RALGAPB: variants seen among roughly 807,000 people sequenced by gnomAD.
RALGAPB encodes ral GTPase-activating protein subunit beta.
RALGAPB carries 25 observed loss-of-function variants against 161.1 expected under a neutral mutation model. The ratio of observed to expected loss-of-function variants is 0.16; its 90% CI spans 0.11 to 0.22. The LOEUF (loss-of-function observed/expected upper bound fraction) is 0.22, where lower values mean the gene tolerates loss of function less well. RALGAPB is among the 10% of genes least tolerant of loss of function. The pLI is 1.00. For missense variants in RALGAPB, 1,391 were observed against 1,815.2 expected, an observed-to-expected ratio of 0.77 and a Z score of 4.25; for synonymous variants, 629 against 626.1, an observed-to-expected ratio of 1.00 and a Z score of -0.07.
chr20:38,493,191 G>A (rs1235362326), intron 3 of RALGAPB, 59 bp downstream of exon 3: 5 of 1,366,554 alleles, frequency 3.7e-6, no homozygotes, highest in South Asian at 1.2e-5. Flanking sequence ...ATTCATAAAC[G>A]TTACTATAGT....
At chr20:38,487,334 A>AT (rs11481428) in intron 1 of RALGAPB, among the ~76,000 whole-genome samples, 115,654 of 151,302 alleles carry the variant, frequency 0.76, 44,618 homozygotes, top group East Asian at 0.91. Context: ...TTTATTGTTG[A>AT]TTTTTTTTTA....
intron 20 of RALGAPB, among the ~76,000 whole-genome samples, chr20:38,550,183 T>C (rs1037788690): frequency 3.9e-5 from 6 of 152,116 alleles, no homozygotes; most frequent in Non-Finnish European, 8.8e-5. Flanking sequence ...ATGGGAGATA[T>C]ACCTAATGCT....
At position 38,488,055 on chromosome 20, in the gene RALGAPB, C is replaced by T. The variant is rs183617771; in HGVS notation, c.-30-348C>T. 8.2e-4 allele frequency among the ~76,000 whole-genome samples: 125 copies of T among 151,716 alleles called. 1 individual carries two copies. Among genetic ancestry groups the T allele is most frequent in the African/African-American group, 2.9e-3 (119 of 41,158 alleles). ...AGCCTGGGCAACAAGAGCAAAACTT[C>T]GTCTCAAAAAAGAAAAAAAATGTAT... On this transcript the variant is annotated intron_variant, in intron 1 of 29. Coordinates refer to ENST00000262879, the MANE Select transcript of RALGAPB (RefSeq NM_020336.4).
At chr20:38,502,091 G>A (rs2085613014) in intron 5 of RALGAPB, among the ~76,000 whole-genome samples, 2 of 152,164 alleles carry the variant, frequency 1.3e-5, no homozygotes, top group South Asian at 2.1e-4. Flanking sequence ...AAAAGCTGCA[G>A]TATTAAATCA....
chr20:38,514,830 T>A (rs989897766), intron 6 of RALGAPB, among the ~76,000 whole-genome samples: 1 of 152,258 alleles, frequency 6.6e-6, no homozygotes. Flanking sequence ...TCCCCAAATG[T>A]GTCAGGTACA....
chr20:38,475,111 C>T (rs145448314), intron 1 of RALGAPB, among the ~76,000 whole-genome samples: 105 of 152,292 alleles, frequency 6.9e-4, no homozygotes, highest in African/African-American at 2.2e-3. Context: ...CACAATCGGA[C>T]GCAATCATGT....
intron 1 of RALGAPB, among the ~76,000 whole-genome samples, chr20:38,485,337 C>T (rs572648904): frequency 6.6e-6 from 1 of 152,308 alleles, no homozygotes; most frequent in South Asian, 2.1e-4. Context: ...TCCACAGTGC[C>T]TCTAGGTGAC....
At chr20:38,496,226 C>G (rs1462969502) in intron 3 of RALGAPB, among the ~76,000 whole-genome samples, 2 of 152,084 alleles carry the variant, frequency 1.3e-5, no homozygotes, top group African/African-American at 4.8e-5. Context: ...TTAGGGAAAA[C>G]TTAGTGGTGT....
chr20:38,491,140 A>C (rs1379643563), intron 2 of RALGAPB, among the ~76,000 whole-genome samples: 1 of 152,208 alleles, frequency 6.6e-6, no homozygotes, highest in East Asian at 1.9e-4. Flanking sequence ...CTGCAGTTAA[A>C]CCATGTATTT....
At chr20:38,535,024 C>T in intron 15 of RALGAPB, 50 bp from the exon 16 acceptor site, 2 of 1,586,824 alleles carry the variant, frequency 1.3e-6, no homozygotes, top group African/African-American at 1.3e-5. Context: ...GTTACTAATG[C>T]TTAGTTGTTT....
chr20:38,524,452 T>TAAGAC (rs1245780976), intron 10 of RALGAPB, among the ~76,000 whole-genome samples: 5 of 151,898 alleles, frequency 3.3e-5, no homozygotes, highest in African/African-American at 1.2e-4. Context: ...GAACTTTGAG[T>TAAGAC]TGCAAGGCTT....
intron 13 of RALGAPB, among the ~76,000 whole-genome samples, chr20:38,529,405 C>A (rs2086577904): frequency 6.6e-6 from 1 of 151,764 alleles, no homozygotes; most frequent in Non-Finnish European, 1.5e-5. Flanking sequence ...GTAGTCTCAG[C>A]TACTTGGGAG....
chr20:38,479,387 A>G (rs771717775), intron 1 of RALGAPB, among the ~76,000 whole-genome samples: 14 of 152,254 alleles, frequency 9.2e-5, no homozygotes, highest in Non-Finnish European at 1.9e-4. Flanking sequence ...GAAGGCATGT[A>G]ATAAATATTG....
chr20:38,560,263 A>T (rs189108438), intron 23 of RALGAPB, among the ~76,000 whole-genome samples: 1,591 of 152,308 alleles, frequency 0.01, 10 homozygotes, highest in Middle Eastern at 0.02. Context: ...ACCATTGTAA[A>T]GGGTGTTAAT....
rs982018275 is a variant in RALGAPB, at chr20:38,576,720, G to C, written c.*1753G>C. 5 of 152,614 alleles carry C rather than the reference G, an allele frequency of 3.3e-5. No homozygotes were observed. Among genetic ancestry groups the C allele is most frequent in the Admixed American group, 2.0e-4 (3 of 15,276 alleles). The allele number at this position is 152,614 out of a possible 1,614,324, so 9.5% of individuals were successfully genotyped here. A position where few individuals can be genotyped will look rare whatever the true frequency, so the allele number is the denominator to read the frequency against. On this transcript the variant is annotated 3_prime_UTR_variant, in exon 30 of 30. Transcript: ENST00000262879. The stretch of plus-strand genomic sequence containing the variant: ...AAAATGTTCTAGTAGTTCACAGGAA[G>C]AAGATGAGGTTTAATAACTTTCAAG...
At chr20:38,477,107 A>G (rs1188219459) in intron 1 of RALGAPB, among the ~76,000 whole-genome samples, 1 of 152,212 alleles carries the variant, frequency 6.6e-6, no homozygotes, top group African/African-American at 2.4e-5. Flanking sequence ...ATTTTCTGCA[A>G]TCATGGAACT....
chr20:38,504,405 T>C (rs956663255), intron 5 of RALGAPB, among the ~76,000 whole-genome samples: 1 of 152,238 alleles, frequency 6.6e-6, no homozygotes, highest in Admixed American at 6.5e-5. Flanking sequence ...ACTAGACTCC[T>C]ACCTTTCACC....
chr20:38,513,042 G>A (rs970510320), intron 6 of RALGAPB, among the ~76,000 whole-genome samples: 1 of 151,898 alleles, frequency 6.6e-6, no homozygotes, highest in Non-Finnish European at 1.5e-5. Context: ...TTACAGGCTT[G>A]AGCCACCACG....
intron 21 of RALGAPB, among the ~76,000 whole-genome samples, chr20:38,553,525 A>G (rs6070565): frequency 0.12 from 18,302 of 152,050 alleles, 3,041 homozygotes; most frequent in African/African-American, 0.37. Context: ...TTTTTTTGGC[A>G]TTTGTTTTAA....
Sources: gnomAD v4.1 joint callset for allele counts (sites outside exome capture counted in the v4.1 genomes callset) on GRCh38, gnomAD v4.1.1 for gene constraint, MANE v1.5 for transcripts, NCBI Gene and HGNC (gene_info 2026-07-23, HGNC 2026-07-21) for gene names.